Variants in MAN1A2 observed in about 807,000 individuals in gnomAD.
MAN1A2 encodes the protein mannosyl-oligosaccharide 1,2-alpha-mannosidase IB.
A neutral mutation model predicts 75.7 loss-of-function variants in MAN1A2; 26 were observed. The ratio of observed to expected loss-of-function variants is 0.34; its 90% confidence interval spans 0.25 to 0.48. MAN1A2 has a LOEUF of 0.48. MAN1A2 is among the 20% of genes least tolerant of loss of function. The pLI, the probability that MAN1A2 is intolerant of heterozygous loss-of-function variation, is 0.99. For synonymous variants in MAN1A2, 247 were observed against 264.6 expected (o/e 0.93, Z 0.65); for missense variants, 562 against 775.5 (o/e 0.72, Z 3.27).
intron 1 of MAN1A2, among the ~76,000 whole-genome samples, chr1:117,392,342 T>C (rs1020560238): frequency 1.3e-5 from 2 of 152,028 alleles, no homozygotes; most frequent in African/African-American, 4.8e-5. Flanking sequence ...AAACTCTTAT[T>C]CTTTTAATTT....
Position 117,466,436 on chromosome 1 carries a change from T to G in MAN1A2, c.1168+9T>G, listed in dbSNP as rs1312166657. 6.5e-7 allele frequency: 1 copy of G among 1,540,474 alleles called. No homozygotes were observed. Among genetic ancestry groups the G allele is most frequent in the Non-Finnish European group, 8.9e-7 (1 of 1,127,982 alleles). ...AGGGCGCTGGGGTCAGTGTAAGTAT[T>G]CTAGTATACCTGAGGCTTTCTTAAA... On this transcript the variant is annotated intron_variant, in intron 8 of 12. Coordinates refer to ENST00000356554, the MANE Select transcript of MAN1A2 (RefSeq NM_006699.5).
At chr1:117,412,327 C>A (rs2101768134) in intron 3 of MAN1A2, among the ~76,000 whole-genome samples, 1 of 151,472 alleles carries the variant, frequency 6.6e-6, no homozygotes. Context: ...AAAAAATTTT[C>A]TCTGTGCTTG....
intron 8 of MAN1A2, among the ~76,000 whole-genome samples, chr1:117,488,213 C>CT (rs35480509): frequency 0.27 from 39,329 of 145,360 alleles, 5,637 homozygotes; most frequent in East Asian, 0.47. Flanking sequence ...AAGCAAATGG[C>CT]TTTTTTTTTT....
At chr1:117,387,616 C>T (rs970204043) in intron 1 of MAN1A2, among the ~76,000 whole-genome samples, 11 of 152,198 alleles carry the variant, frequency 7.2e-5, no homozygotes, top group Admixed American at 3.3e-4. Flanking sequence ...TAAAGGTGTA[C>T]CATTAGTTTT....
At chr1:117,504,932 A>T (rs1437274266) in intron 12 of MAN1A2, among the ~76,000 whole-genome samples, 1 of 151,458 alleles carries the variant, frequency 6.6e-6, no homozygotes, top group East Asian at 1.9e-4. Flanking sequence ...GAGACACATA[A>T]TAGTTTAGCC....
At chr1:117,462,064 T>C (rs1303993366) in intron 7 of MAN1A2, among the ~76,000 whole-genome samples, 1 of 152,158 alleles carries the variant, frequency 6.6e-6, no homozygotes, top group Non-Finnish European at 1.5e-5. Flanking sequence ...TTTTAACAAG[T>C]GTCGCACTGT....
intron 6 of MAN1A2, among the ~76,000 whole-genome samples, chr1:117,450,864 G>T (rs920849380): frequency 2.6e-5 from 4 of 152,340 alleles, no homozygotes; most frequent in South Asian, 2.1e-4. Flanking sequence ...CCAGGTAGAA[G>T]TTTGCTGCAG....
chr1:117,420,522 T>C, intron 4 of MAN1A2, 47 bp from the exon 5 acceptor site: 1 of 1,326,498 alleles, frequency 7.5e-7, no homozygotes. Context: ...TTTTGAAAAC[T>C]ATAAAGCATT....
At chr1:117,450,606 G>A (rs550785855) in intron 6 of MAN1A2, among the ~76,000 whole-genome samples, 4 of 152,302 alleles carry the variant, frequency 2.6e-5, no homozygotes, top group Non-Finnish European at 5.9e-5. Flanking sequence ...CAAGGCCTAG[G>A]AGGAAAAAGT....
rs982745776 is a variant in MAN1A2, at chr1:117,367,750, G to C, written c.-434G>C. On this transcript the variant is annotated 5_prime_UTR_variant, in exon 1 of 13. Coordinates refer to ENST00000356554, the MANE Select transcript of MAN1A2 (RefSeq NM_006699.5). The stretch of plus-strand genomic sequence containing the variant: ...GGTTAAGAGATTCTGGAATAGAAGC[G>C]TCGAAGGAGATCAAGTGAACCTTCT... 1.9e-5 allele frequency: 3 copies of C among 158,776 alleles called. No individual in the cohort carries two copies. The highest frequency in any genetic ancestry group is 7.2e-5 in the African/African-American group (3 of 41,612). 9.8% of individuals were successfully genotyped at this position (158,776 alleles called of 1,614,324 possible).
chr1:117,454,828 C>T (rs904423147), intron 6 of MAN1A2, among the ~76,000 whole-genome samples: 2 of 151,940 alleles, frequency 1.3e-5, no homozygotes, highest in Non-Finnish European at 2.9e-5. Flanking sequence ...AGTATGGAGA[C>T]GTGAAGCCCT....
At position 117,469,419 on chromosome 1, in the gene MAN1A2, A is replaced by C. The variant is rs190476813; in HGVS notation, c.1168+2992A>C. On this transcript the variant is annotated intron_variant, in intron 8 of 12. Transcript: ENST00000356554. The stretch of plus-strand genomic sequence containing the variant: ...ATTTGACACTGGATTCTTCAATATG[A>C]CACCAAAGGCACAGGTAACAATACA... Among the ~76,000 whole-genome samples the C allele has an allele frequency of 2.6e-5, 4 of 152,266 alleles. No individual in the cohort carries two copies. In the East Asian group the frequency reaches 7.7e-4, roughly 29 times the overall value.
intron 8 of MAN1A2, among the ~76,000 whole-genome samples, chr1:117,468,193 A>G (rs1170079891): frequency 1.3e-5 from 2 of 152,116 alleles, no homozygotes; most frequent in Non-Finnish European, 2.9e-5. Context: ...CCTTCTTCAC[A>G]TGGTGGCAGG....
At chr1:117,437,851 G>C (rs1033358984) in intron 5 of MAN1A2, among the ~76,000 whole-genome samples, 9 of 152,094 alleles carry the variant, frequency 5.9e-5, no homozygotes, top group African/African-American at 2.2e-4. Flanking sequence ...ATATTAGGGG[G>C]CTAGAGTTGG....
intron 2 of MAN1A2, among the ~76,000 whole-genome samples, chr1:117,404,267 CAA>C (rs1157625388): frequency 1.3e-5 from 2 of 152,014 alleles, no homozygotes; most frequent in African/African-American, 4.8e-5. Flanking sequence ...CTGCATAAAG[CAA>C]GTTGGGAAAT....
At chr1:117,491,470 A>C (rs1650881414) in intron 8 of MAN1A2, among the ~76,000 whole-genome samples, 1 of 151,806 alleles carries the variant, frequency 6.6e-6, no homozygotes, top group South Asian at 2.1e-4. Context: ...TAAGCAAAAA[A>C]GATCTCTTTC....
intron 2 of MAN1A2, among the ~76,000 whole-genome samples, chr1:117,403,117 A>T (rs1322855974): frequency 6.6e-6 from 1 of 152,226 alleles, no homozygotes; most frequent in Admixed American, 6.5e-5. Context: ...GTTTGTGATT[A>T]TACTGCCTGT....
chr1:117,508,510 C>T (rs1651438140), intron 12 of MAN1A2, among the ~76,000 whole-genome samples: 1 of 151,248 alleles, frequency 6.6e-6, no homozygotes, highest in African/African-American at 2.4e-5. Flanking sequence ...TTCTGGAAAG[C>T]TATATAAGAA....
intron 1 of MAN1A2, among the ~76,000 whole-genome samples, chr1:117,370,724 G>T (rs1652933577): frequency 7.8e-6 from 1 of 128,654 alleles, no homozygotes. Context: ...CAAATTGACA[G>T]TTTATCTTCA....
Sources: gnomAD v4.1 joint callset for allele counts (sites outside exome capture counted in the v4.1 genomes callset) on GRCh38, gnomAD v4.1.1 for gene constraint, MANE v1.5 for transcripts, NCBI Gene and HGNC (gene_info 2026-07-23, HGNC 2026-07-21) for gene names.